Variants in PARD3B observed in about 807,000 individuals in gnomAD.
PARD3B encodes the protein par-3 family cell polarity regulator beta.
In PARD3B, 103 loss-of-function variants were observed where a neutral mutation model predicts 130.2. The ratio of observed to expected loss-of-function variants is 0.79; its 90% CI spans 0.67 to 0.93. The LOEUF is 0.93. PARD3B is among the 40% of genes least tolerant of loss of function. PARD3B has a pLI of 0.00. For synonymous variants in PARD3B, 583 were observed against 553.2 expected, an observed-to-expected ratio of 1.05 and a Z score of -0.76; for missense variants, 1,609 against 1,499.2, an observed-to-expected ratio of 1.07 and a Z score of -1.21.
intron 16 of PARD3B, among the ~76,000 whole-genome samples, chr2:205,289,882 C>T (rs1255044200): frequency 8.0e-6 from 1 of 124,808 alleles, no homozygotes; most frequent in Non-Finnish European, 1.8e-5. Flanking sequence ...TCCCCACCAG[C>T]AAGAAGGCCC....
chr2:205,216,372 T>G (rs1163633290), intron 15 of PARD3B, among the ~76,000 whole-genome samples: 2 of 152,166 alleles, frequency 1.3e-5, no homozygotes, highest in Admixed American at 1.3e-4. Context: ...GCATGGCTTA[T>G]AAATCAAAGA....
rs890793793 is a variant in PARD3B at position 205,617,412 on chromosome 2, G to A, written c.*1599G>A. The stretch of plus-strand genomic sequence containing the variant: ...GAGATTAGCATACCTCTGACTCACA[G>A]GATTTAATAAATTATAGTATTATTG... On this transcript the variant is annotated 3_prime_UTR_variant, in exon 23 of 23. Transcript: ENST00000406610. The A allele has an allele frequency of 2.0e-5, 3 of 151,990 alleles. No homozygotes were observed. Among genetic ancestry groups the A allele is most frequent in the African/African-American group, 7.2e-5 (3 of 41,380 alleles). The allele number at this position is 151,990 out of a possible 1,614,324, so 9.4% of individuals were successfully genotyped here.
chr2:205,400,031 C>T (rs1005135958), intron 18 of PARD3B, among the ~76,000 whole-genome samples: 13 of 152,170 alleles, frequency 8.5e-5, no homozygotes, highest in African/African-American at 1.4e-4. Flanking sequence ...GAGCATTGAA[C>T]GAGGTGTTCA....
intron 2 of PARD3B, among the ~76,000 whole-genome samples, chr2:204,798,367 G>T (rs1257512778): frequency 6.6e-6 from 1 of 152,206 alleles, no homozygotes; most frequent in East Asian, 1.9e-4. Flanking sequence ...GCCCTGGCTG[G>T]TGGAGAATGG....
intron 2 of PARD3B, among the ~76,000 whole-genome samples, chr2:204,916,290 T>C (rs1575296247): frequency 6.6e-6 from 1 of 152,342 alleles, no homozygotes; most frequent in African/African-American, 2.4e-5. Flanking sequence ...GCCACTTTTG[T>C]TAAAAATATC....
chr2:205,334,008 C>G (rs2043224478), intron 18 of PARD3B, among the ~76,000 whole-genome samples: 1 of 152,162 alleles, frequency 6.6e-6, no homozygotes, highest in Non-Finnish European at 1.5e-5. Flanking sequence ...AATTCCTTCT[C>G]TTTTGGAAAA....
At chr2:205,419,529 G>T (rs1487203690) in intron 19 of PARD3B, among the ~76,000 whole-genome samples, 1 of 152,154 alleles carries the variant, frequency 6.6e-6, no homozygotes, top group African/African-American at 2.4e-5. Flanking sequence ...CAACTAGGGT[G>T]ACCAAAGGTC....
chr2:204,645,035 A>T (rs911471281), intron 1 of PARD3B, among the ~76,000 whole-genome samples: 7 of 152,058 alleles, frequency 4.6e-5, no homozygotes, highest in African/African-American at 1.7e-4. Flanking sequence ...TGCAGAAGTG[A>T]TTTTGTCTTT....
At chr2:205,206,408 T>G (rs1259059397) in intron 15 of PARD3B, among the ~76,000 whole-genome samples, 4 of 128,924 alleles carry the variant, frequency 3.1e-5, no homozygotes, top group Admixed American at 9.0e-5. Flanking sequence ...GATATTCCCC[T>G]TCCTGTGTCC....
chr2:204,821,751 T>C (rs2043367039), intron 2 of PARD3B, among the ~76,000 whole-genome samples: 1 of 151,992 alleles, frequency 6.6e-6, no homozygotes. Context: ...GGCATTTCCC[T>C]GCACAAGCTC....
At chr2:205,290,082 G>C (rs2041548875) in intron 16 of PARD3B, among the ~76,000 whole-genome samples, 1 of 152,198 alleles carries the variant, frequency 6.6e-6, no homozygotes, top group Non-Finnish European at 1.5e-5. Flanking sequence ...TAAATTATGA[G>C]TGAATGCCAG....
At chr2:205,006,644 C>A (rs1695288366) in intron 3 of PARD3B, among the ~76,000 whole-genome samples, 1 of 152,004 alleles carries the variant, frequency 6.6e-6, no homozygotes, top group South Asian at 2.1e-4. Context: ...CCTTTGCCCA[C>A]TTTTTGATGG....
intron 22 of PARD3B, among the ~76,000 whole-genome samples, chr2:205,567,757 A>C (rs952354935): frequency 6.6e-6 from 1 of 151,844 alleles, no homozygotes; most frequent in Non-Finnish European, 1.5e-5. Flanking sequence ...CCCGAGAAGA[A>C]GACTCTGAGA....
intron 20 of PARD3B, among the ~76,000 whole-genome samples, chr2:205,450,064 G>A (rs1319218477): frequency 6.6e-6 from 1 of 152,144 alleles, no homozygotes; most frequent in African/African-American, 2.4e-5. Flanking sequence ...ACTGTAAAAT[G>A]AAGACATGAG....
chr2:204,670,123 C>T lies in PARD3B; in HGVS notation c.121-16058C>T, dbSNP rs185500407. On this transcript the variant is annotated intron_variant, in intron 1 of 22. Coordinates refer to ENST00000406610, the MANE Select transcript of PARD3B (RefSeq NM_001302769.2). ...TGCCTCTGGAGAATACAGAACTGGG[C>T]CACTCTTCTGTACCATTTAATTTTT... is the stretch of plus-strand genomic sequence containing the variant. 2.8e-4 allele frequency among the ~76,000 whole-genome samples: 43 copies of T among 152,208 alleles called. 1 individual carries two copies. In the East Asian group the frequency reaches 7.3e-3, roughly 26 times the overall value.
At chr2:205,286,506 CTTG>C (rs1229363600) in intron 16 of PARD3B, among the ~76,000 whole-genome samples, 23 of 152,166 alleles carry the variant, frequency 1.5e-4, no homozygotes, top group Non-Finnish European at 2.4e-4. Context: ...TATATCAAAT[CTTG>C]TTGTTAAGCA....
chr2:205,100,879 A>G (rs1251676149), intron 4 of PARD3B, among the ~76,000 whole-genome samples: 1 of 152,174 alleles, frequency 6.6e-6, no homozygotes. Context: ...CTAACACCGT[A>G]TAAGATTCTT....
intron 4 of PARD3B, among the ~76,000 whole-genome samples, chr2:205,054,182 A>G (rs922215793): frequency 2.6e-5 from 4 of 151,828 alleles, no homozygotes; most frequent in Non-Finnish European, 5.9e-5. Context: ...ACTCTGCAGC[A>G]GAGTTTTTCA....
chr2:205,168,480 A>C (rs547195457), intron 11 of PARD3B, among the ~76,000 whole-genome samples: 2 of 152,206 alleles, frequency 1.3e-5, no homozygotes, highest in Non-Finnish European at 2.9e-5. Flanking sequence ...TAATTTTAAA[A>C]ACCATAAAAA....
Sources: allele counts gnomAD v4.1 joint callset (sites outside exome capture counted in the v4.1 genomes callset), GRCh38; gene constraint gnomAD v4.1.1; transcripts MANE v1.5; gene names NCBI Gene and HGNC (gene_info 2026-07-23, HGNC 2026-07-21).